The following KAZN variants were observed in gnomAD, a reference collection of about 807,000 sequenced individuals.
KAZN encodes the protein kazrin, periplakin interacting protein.
A neutral mutation model predicts 87.4 loss-of-function variants in KAZN; 40 were observed. The ratio of observed to expected loss-of-function variants is 0.46; its 90% confidence interval spans 0.36 to 0.60. The LOEUF (loss-of-function observed/expected upper bound fraction) is 0.60. Ranked by LOEUF, KAZN falls within the 20% of genes least tolerant of loss-of-function variation. The pLI, the probability that KAZN is intolerant of heterozygous loss-of-function variation, is 0.00. For synonymous variants in KAZN, 466 were observed against 458.3 expected (o/e 1.02, Z -0.22); for missense variants, 898 against 1,073.9 (o/e 0.84, Z 2.29).
intron 2 of KAZN, among the ~76,000 whole-genome samples, chr1:14,986,751 G>C (rs190869252): frequency 4.9e-4 from 75 of 152,274 alleles, no homozygotes; most frequent in African/African-American, 1.7e-3. Context: ...TGTTTGTTGG[G>C]GTGGAGGGAC....
At chr1:14,431,763 T>C (rs1666084355) in intron 2 of KAZN, among the ~76,000 whole-genome samples, 1 of 152,214 alleles carries the variant, frequency 6.6e-6, no homozygotes, top group Non-Finnish European at 1.5e-5. Flanking sequence ...CTTTGGACTC[T>C]GGGACTTGCA....
At chr1:14,057,294 C>T (rs925042020) in intron 1 of KAZN, among the ~76,000 whole-genome samples, 15 of 151,900 alleles carry the variant, frequency 9.9e-5, no homozygotes, top group African/African-American at 3.1e-4. Flanking sequence ...ACCACCACAC[C>T]GGGCTAATTT....
chr1:14,381,152 G>A (rs574974436), intron 2 of KAZN, among the ~76,000 whole-genome samples: 1 of 152,220 alleles, frequency 6.6e-6, no homozygotes, highest in South Asian at 2.1e-4. Flanking sequence ...AAAACTGTAA[G>A]AGTCAAAGAA....
chr1:14,849,502 C>A (rs557806517), intron 1 of KAZN, among the ~76,000 whole-genome samples: 1 of 152,134 alleles, frequency 6.6e-6, no homozygotes, highest in Non-Finnish European at 1.5e-5. Flanking sequence ...AAGTCATGCA[C>A]CTAGAATAGC....
chr1:14,419,177 C>T (rs1264519315), intron 2 of KAZN, among the ~76,000 whole-genome samples: 1 of 152,186 alleles, frequency 6.6e-6, no homozygotes, highest in Admixed American at 6.5e-5. Context: ...AATAAATATA[C>T]CTTATACATA....
intron 1 of KAZN, among the ~76,000 whole-genome samples, chr1:14,170,131 C>A (rs2100255051): frequency 6.6e-6 from 1 of 152,314 alleles, no homozygotes; most frequent in East Asian, 1.9e-4. Context: ...CCTGGCTTTG[C>A]AGTTCATCAG....
In KAZN at chr1:14,820,009, C is replaced by T. The variant is rs925193115; in HGVS notation, c.227-140675C>T. On this transcript the variant is annotated intron_variant, in intron 1 of 14. Transcript: ENST00000376030. The surrounding 1 kb of genome is among the most constrained non-coding windows in gnomAD (Gnocchi z 4.1). The stretch of plus-strand genomic sequence containing the variant: ...TAGGCATAAGCCACTGTGCCTGGCC[C>T]GAAAAAAAATCTATTTATATATATA... Among the ~76,000 whole-genome samples, 6 of 151,388 alleles carry T rather than the reference C, an allele frequency of 4.0e-5. No homozygotes were observed. The highest frequency in any genetic ancestry group is 1.2e-4 in the African/African-American group (5 of 41,190).
At chr1:14,924,006 G>C in intron 1 of KAZN, 4 of 575,362 alleles carry the variant, frequency 7.0e-6, no homozygotes, top group Non-Finnish European at 8.8e-6. Flanking sequence ...GGGCGACGCG[G>C]CGGCGCTCCC....
chr1:13,988,830 C>G (rs1639145024), intron 1 of KAZN, among the ~76,000 whole-genome samples: 1 of 152,192 alleles, frequency 6.6e-6, no homozygotes, highest in African/African-American at 2.4e-5. Context: ...GTGTTAAACT[C>G]TTTACCCTAA....
intron 1 of KAZN, among the ~76,000 whole-genome samples, chr1:14,100,256 A>G (rs7534460): frequency 0.093 from 14,122 of 152,194 alleles, 2,085 homozygotes; most frequent in African/African-American, 0.31. Context: ...GAGTCCTGCC[A>G]GGAATCTGAG....
At chr1:15,046,210 A>G (rs1436407894) in intron 4 of KAZN, among the ~76,000 whole-genome samples, 1 of 149,754 alleles carries the variant, frequency 6.7e-6, no homozygotes, top group Non-Finnish European at 1.5e-5. Flanking sequence ...AGACAGGAGA[A>G]TCGTTTGAAC....
intron 1 of KAZN, among the ~76,000 whole-genome samples, chr1:14,155,861 G>A (rs1231309390): frequency 6.6e-6 from 1 of 152,106 alleles, no homozygotes; most frequent in East Asian, 1.9e-4. Context: ...TGTTGGCCAA[G>A]CTGATCTCGA....
At chr1:14,096,952 T>C (rs938240650) in intron 1 of KAZN, among the ~76,000 whole-genome samples, 3 of 152,236 alleles carry the variant, frequency 2.0e-5, no homozygotes, top group African/African-American at 7.2e-5. Flanking sequence ...CAGGCTTTTC[T>C]CACGGAGATT....
At chr1:14,705,944 T>G (rs1332978882) in intron 1 of KAZN, among the ~76,000 whole-genome samples, 2 of 151,922 alleles carry the variant, frequency 1.3e-5, no homozygotes, top group Non-Finnish European at 2.9e-5. Flanking sequence ...AGGAGGTGAG[T>G]GGCAGGTGGG....
At chr1:14,393,519 A>G (rs2101099750) in intron 2 of KAZN, among the ~76,000 whole-genome samples, 1 of 152,270 alleles carries the variant, frequency 6.6e-6, no homozygotes, top group African/African-American at 2.4e-5. Flanking sequence ...AATATCAAGG[A>G]AATACACGCT....
rs1305872096 is a variant in KAZN at position 14,735,277 on chromosome 1, G to C, written c.226+136054G>C. ...GGGTTTCACCGTGTTAGCCAGGATG[G>C]TCTCGATCTCCTGACCTCGTGATCC... is the stretch of plus-strand genomic sequence containing the variant. On this transcript the variant is annotated intron_variant, in intron 1 of 14. Coordinates refer to ENST00000376030, the MANE Select transcript of KAZN (RefSeq NM_201628.3). The surrounding 1 kb of genome is among the most constrained non-coding windows in gnomAD (Gnocchi z 4.3). Among the ~76,000 whole-genome samples the C allele has an allele frequency of 6.6e-6, 1 of 152,132 alleles. No individual in the cohort carries two copies. Among genetic ancestry groups the C allele is most frequent in the Non-Finnish European group, 1.5e-5 (1 of 68,014 alleles).
intron 1 of KAZN, among the ~76,000 whole-genome samples, chr1:14,622,623 G>A (rs930759283): frequency 1.3e-5 from 2 of 149,704 alleles, no homozygotes; most frequent in Admixed American, 6.7e-5. Flanking sequence ...CCTGGGGGGC[G>A]GAGCTTGCAG....
chr1:14,602,548 T>C (rs539957068), intron 1 of KAZN, among the ~76,000 whole-genome samples: 6 of 152,326 alleles, frequency 3.9e-5, no homozygotes, highest in African/African-American at 1.2e-4. Flanking sequence ...AAGGGATTTG[T>C]TTAAAGTAAC....
chr1:14,765,893 A>G (rs1644871015), intron 1 of KAZN, among the ~76,000 whole-genome samples: 1 of 152,156 alleles, frequency 6.6e-6, no homozygotes, highest in Admixed American at 6.5e-5. Flanking sequence ...CCCGCTGATG[A>G]CACTCACACC....
Sources: allele counts gnomAD v4.1 joint callset (sites outside exome capture counted in the v4.1 genomes callset), GRCh38; gene constraint gnomAD v4.1.1; non-coding constraint Gnocchi (gnomAD v3.1); transcripts MANE v1.5; gene names NCBI Gene and HGNC (gene_info 2026-07-23, HGNC 2026-07-21).